Variants in TMEM272 observed in about 807,000 individuals in gnomAD.
TMEM272 encodes transmembrane protein 272.
A neutral mutation model predicts 3.7 loss-of-function variants in TMEM272; 8 were observed. That is an observed-to-expected ratio of 2.17 (90% CI 1.27 to 3.91). The LOEUF (loss-of-function observed/expected upper bound fraction) is 3.91. Ranked by LOEUF, TMEM272 falls within the 30% of genes most tolerant of loss-of-function variation. TMEM272 has a pLI of 0.00. For missense variants in TMEM272, 166 were observed against 91.5 expected, an observed-to-expected ratio of 1.81 and a Z score of -3.32; for synonymous variants, 63 against 39.8, an observed-to-expected ratio of 1.58 and a Z score of -2.20.
chr13:51,901,932 C>T, the TMEM272 span, among the ~76,000 whole-genome samples: 1 of 152,200 alleles, frequency 6.6e-6, no homozygotes, highest in African/African-American at 2.4e-5. Context: ...AACGCCAGGC[C>T]TTTCTCACTC....
chr13:51,846,484 T>C (rs1956306584), upstream of TMEM272, among the ~76,000 whole-genome samples: 2 of 150,824 alleles, frequency 1.3e-5, no homozygotes, highest in South Asian at 4.2e-4. Flanking sequence ...CACATGATAC[T>C]TTACAGTAAT....
chr13:51,850,268 TTAAG>T, the TMEM272 span, among the ~76,000 whole-genome samples: 2 of 152,234 alleles, frequency 1.3e-5, no homozygotes, highest in Non-Finnish European at 2.9e-5. Flanking sequence ...AAATCACCTA[TTAAG>T]TAATGATGAT....
the TMEM272 span, among the ~76,000 whole-genome samples, chr13:51,864,153 C>T: frequency 5.4e-5 from 8 of 148,924 alleles, no homozygotes; most frequent in Middle Eastern, 3.4e-3. Flanking sequence ...TTCTTTCTTC[C>T]TCCCAGCTTT....
intron 3 of TMEM272, among the ~76,000 whole-genome samples, chr13:51,822,691 A>G (rs1277507035): frequency 1.3e-5 from 2 of 152,154 alleles, no homozygotes; most frequent in Non-Finnish European, 2.9e-5. Context: ...ACCATTGACC[A>G]TGCCACTCGC....
the TMEM272 span, among the ~76,000 whole-genome samples, chr13:51,852,160 T>C: frequency 7.0e-3 from 1,063 of 152,374 alleles, 12 homozygotes; most frequent in African/African-American, 0.024. Context: ...ACAGAGTGTA[T>C]TGTCAAACTT....
At chr13:51,925,875 C>T in the TMEM272 span, among the ~76,000 whole-genome samples, 1 of 152,060 alleles carries the variant, frequency 6.6e-6, no homozygotes, top group Non-Finnish European at 1.5e-5. Flanking sequence ...ACAAGGAGCT[C>T]CTTCTGTCAT....
the TMEM272 span, among the ~76,000 whole-genome samples, chr13:51,888,831 G>A: frequency 6.6e-6 from 1 of 151,788 alleles, no homozygotes; most frequent in East Asian, 1.9e-4. Context: ...ATTTTTAGTA[G>A]AGATGGGGTT....
At chr13:51,923,206 A>T in the TMEM272 span, among the ~76,000 whole-genome samples, 1 of 152,212 alleles carries the variant, frequency 6.6e-6, no homozygotes, top group Non-Finnish European at 1.5e-5. Flanking sequence ...CAGCCTGCCA[A>T]TGCCAGCAGG....
At chr13:51,824,574 A>G (rs1956107258) in intron 3 of TMEM272, among the ~76,000 whole-genome samples, 1 of 152,216 alleles carries the variant, frequency 6.6e-6, no homozygotes, top group Non-Finnish European at 1.5e-5. Context: ...TGATTTTAAT[A>G]TAATATCCAT....
intron 1 of TMEM272, among the ~76,000 whole-genome samples, chr13:51,844,228 A>G (rs1473738205): frequency 1.3e-5 from 2 of 152,068 alleles, no homozygotes; most frequent in Non-Finnish European, 1.5e-5. Context: ...ATATGTGTGT[A>G]TGTGTAGACA....
At chr13:51,896,731 G>C in the TMEM272 span, among the ~76,000 whole-genome samples, 1 of 152,152 alleles carries the variant, frequency 6.6e-6, no homozygotes, top group African/African-American at 2.4e-5. Context: ...ACTGATCCTT[G>C]CCAGAAGCTT....
chr13:51,872,446 CTG>C, the TMEM272 span, among the ~76,000 whole-genome samples: 1 of 151,958 alleles, frequency 6.6e-6, no homozygotes, highest in Non-Finnish European at 1.5e-5. Flanking sequence ...CCTCCACACA[CTG>C]AGATCAAAAA....
At chr13:51,839,964 G>A (rs1248649039) in intron 1 of TMEM272, among the ~76,000 whole-genome samples, 1 of 152,222 alleles carries the variant, frequency 6.6e-6, no homozygotes, top group Non-Finnish European at 1.5e-5. Flanking sequence ...AGGAAGCAGT[G>A]TGACCAGAGA....
At chr13:51,865,449 C>G in the TMEM272 span, 3 of 1,613,894 alleles carry the variant, frequency 1.9e-6, no homozygotes, top group African/African-American at 4.0e-5. Context: ...ATGGGGCTTG[C>G]CTGCTTCCGG....
At chr13:51,888,639 C>CTTTTTTTTTTTTTTTTTTTTTTTTTTT in the TMEM272 span, among the ~76,000 whole-genome samples, 25 of 76,796 alleles carry the variant, frequency 3.3e-4, no homozygotes, top group South Asian at 1.1e-3. Flanking sequence ...TTTTCTTTTT[C>CTTTTTTTTTTTTTTTTTTTTTTTTTTT]TTTTTTTTTT....
the TMEM272 span, among the ~76,000 whole-genome samples, chr13:51,873,836 G>A: frequency 6.6e-6 from 1 of 152,238 alleles, no homozygotes. Flanking sequence ...CTAGCAGACT[G>A]TAAGGTGAAG....
At chr13:51,865,413 T>A in the TMEM272 span, 5 of 1,607,148 alleles carry the variant, frequency 3.1e-6, no homozygotes, top group African/African-American at 6.7e-5. Context: ...ATAAGGAAGA[T>A]GTTTTCCTTC....
chr13:51,858,143 G>C, the TMEM272 span, among the ~76,000 whole-genome samples: 2 of 152,156 alleles, frequency 1.3e-5, no homozygotes, highest in Admixed American at 6.5e-5. Context: ...AAATAGATCT[G>C]CAAGTACATC....
chr13:51,915,998 G>A, the TMEM272 span, among the ~76,000 whole-genome samples: 9 of 152,224 alleles, frequency 5.9e-5, no homozygotes, highest in South Asian at 2.1e-4. Flanking sequence ...ACTTGAACCC[G>A]GGAGGCGGAG....
Sources: allele counts gnomAD v4.1 joint callset (sites outside exome capture counted in the v4.1 genomes callset), GRCh38; gene constraint gnomAD v4.1.1; transcripts MANE v1.5; gene names NCBI Gene and HGNC (gene_info 2026-07-23, HGNC 2026-07-21).